HTR4: variants seen among roughly 807,000 people sequenced by gnomAD.
HTR4 encodes 5-hydroxytryptamine receptor 4.
Under a neutral mutation model 36.8 loss-of-function variants are expected in HTR4, and 16 were observed. The observed-to-expected ratio is 0.43, with a 90% CI of 0.29 to 0.66. The LOEUF (loss-of-function observed/expected upper bound fraction) is 0.66. Among genes scored for constraint, HTR4 ranks in the 30% least tolerant of loss-of-function variants. The pLI is 0.13. For synonymous variants in HTR4, 189 were observed against 185.1 expected, an observed-to-expected ratio of 1.02 and a Z score of -0.17; for missense variants, 438 against 490.9, an observed-to-expected ratio of 0.89 and a Z score of 1.02.
rs141358570 is a variant in HTR4, at chr5:148,499,321, G to T, written c.1076+10135C>A. ...TCATAATCATTATTATTAATAAAAT[G>T]GAAGGAGGTCTCTAGTGACCTGTCC... On this transcript the variant is annotated intron_variant, in intron 6 of 6. Coordinates refer to ENST00000377888, the MANE Select transcript of HTR4 (RefSeq NM_000870.7). Among the ~76,000 whole-genome samples, 76 of 152,192 alleles carry T rather than the reference G, an allele frequency of 5.0e-4. 1 individual carries two copies. In the East Asian group the frequency reaches 0.013, roughly 27 times the overall value.
intron 4 of HTR4, among the ~76,000 whole-genome samples, chr5:148,529,510 T>C (rs933080570): frequency 6.6e-6 from 1 of 152,246 alleles, no homozygotes; most frequent in Non-Finnish European, 1.5e-5. Flanking sequence ...GGCTTTCGCC[T>C]TCTGCCATGA....
intron 4 of HTR4, among the ~76,000 whole-genome samples, chr5:148,532,772 A>G (rs1412375115): frequency 1.3e-5 from 2 of 152,248 alleles, no homozygotes; most frequent in South Asian, 2.1e-4. Context: ...ATAAGCCTAA[A>G]AAGGCTGACT....
Position 148,550,199 on chromosome 5 carries a change from G to C in HTR4, c.90C>G (p.Ile30Met). Residue 30 changes from isoleucine (I) to methionine (M), a missense_variant, in exon 3 of 7, where the codon ATC becomes ATG. Ile to Met is a conservative substitution (Grantham distance 10). Transcript: ENST00000377888. ...GCAGGTTCCCCAAGATGGCCATCAG[G>C]ATAACCGTCGAGAGAAACGTGAGCA... ...VVLLTFLSTVILMAILGNLLV... is the reference protein window; with the variant it reads ...VVLLTFLSTVMLMAILGNLLV... 6.2e-7 allele frequency: 1 copy of C among 1,614,058 alleles called. No individual in the cohort carries two copies. The highest frequency in any genetic ancestry group is 8.5e-7 in the Non-Finnish European group (1 of 1,179,994).
At chr5:148,471,721 A>T (rs57922038), downstream of HTR4, among the ~76,000 whole-genome samples, 4,847 of 152,304 alleles carry the variant, frequency 0.032, 257 homozygotes, top group African/African-American at 0.11. Context: ...ACATTAAAGC[A>T]GGGATTTTAA....
chr5:148,641,557 C>T (rs561633336), intron 1 of HTR4, among the ~76,000 whole-genome samples: 3 of 152,300 alleles, frequency 2.0e-5, no homozygotes, highest in African/African-American at 4.8e-5. Flanking sequence ...CAAGCTCAAA[C>T]CACTGGAATT....
intron 5 of HTR4, among the ~76,000 whole-genome samples, chr5:148,470,986 C>T (rs1181824982): frequency 3.3e-5 from 5 of 151,944 alleles, no homozygotes; most frequent in Admixed American, 2.0e-4. Flanking sequence ...ACTGTGGGCC[C>T]AGCCTCTAAA....
At chr5:148,632,981 A>C (rs1753377892) in intron 2 of HTR4, among the ~76,000 whole-genome samples, 3 of 152,122 alleles carry the variant, frequency 2.0e-5, no homozygotes, top group African/African-American at 7.2e-5. Context: ...CATCAAAGCC[A>C]GTGTTTCCAT....
intron 2 of HTR4, among the ~76,000 whole-genome samples, chr5:148,574,387 C>T (rs1383628071): frequency 1.4e-5 from 2 of 145,122 alleles, no homozygotes; most frequent in Admixed American, 6.9e-5. Context: ...AAGGCTCTCG[C>T]GCGCTCTCTC....
intron 2 of HTR4, among the ~76,000 whole-genome samples, chr5:148,615,170 C>G (rs1752611433): frequency 6.6e-6 from 1 of 151,638 alleles, no homozygotes; most frequent in Non-Finnish European, 1.5e-5. Flanking sequence ...CCCAGCCATC[C>G]CATTACTGGG....
intron 5 of HTR4, among the ~76,000 whole-genome samples, chr5:148,468,493 G>A (rs776187051): frequency 2.0e-5 from 3 of 152,140 alleles, no homozygotes; most frequent in Non-Finnish European, 4.4e-5. Flanking sequence ...CCACCATAGG[G>A]ATCCATAGGG....
At chr5:148,500,188 A>T (rs143818243) in intron 6 of HTR4, among the ~76,000 whole-genome samples, 17 of 152,284 alleles carry the variant, frequency 1.1e-4, no homozygotes, top group African/African-American at 4.1e-4. Flanking sequence ...GTTGTCAAGG[A>T]AGCAAATTGG....
At chr5:148,490,567 A>G in intron 6 of HTR4, 3 of 1,118,408 alleles carry the variant, frequency 2.7e-6, no homozygotes, top group Non-Finnish European at 3.3e-6. Context: ...TCACAAAAAA[A>G]GGGGCTGAGA....
chr5:148,472,357 C>T (rs1755589704), downstream of HTR4, among the ~76,000 whole-genome samples: 1 of 152,198 alleles, frequency 6.6e-6, no homozygotes, highest in African/African-American at 2.4e-5. Context: ...TTTTTCCTTA[C>T]ATTCCTGAGA....
At chr5:148,533,028 C>T (rs568203419) in intron 4 of HTR4, among the ~76,000 whole-genome samples, 4 of 152,244 alleles carry the variant, frequency 2.6e-5, no homozygotes, top group East Asian at 1.9e-4. Context: ...AAACGTCCAT[C>T]GTAATCAATA....
At chr5:148,646,200 G>A (rs1753873044) in intron 1 of HTR4, 1 of 152,244 alleles carries the variant, frequency 6.6e-6, no homozygotes, top group Non-Finnish European at 1.5e-5. Flanking sequence ...ACACTGGAAG[G>A]ATGGAGTGCA....
intron 6 of HTR4, among the ~76,000 whole-genome samples, chr5:148,501,248 G>A (rs561897015): frequency 6.6e-6 from 1 of 152,238 alleles, no homozygotes; most frequent in African/African-American, 2.4e-5. Context: ...AAAACAAGAT[G>A]TAGAAAAGTA....
rs1755415434 is a variant in HTR4, at chr5:148,465,940, A to C, written c.1077-14668T>G. On this transcript the variant is annotated intron_variant, in intron 5 of 5. Transcript: ENST00000521530. Reference sequence around the variant, plus strand: ...GGGAACAGCCACTTTTAGTTGAAACAGAAAACAGCCACAGATGAGGGAGAG... The same window carrying C: ...GGGAACAGCCACTTTTAGTTGAAACCGAAAACAGCCACAGATGAGGGAGAG... The C allele has an allele frequency of 1.9e-6, 3 of 1,612,468 alleles. No homozygotes were observed. In the African/African-American group the frequency reaches 4.0e-5, roughly 22 times the overall value.
intron 1 of HTR4, chr5:148,645,570 T>G (rs992532225): frequency 6.6e-6 from 1 of 152,174 alleles, no homozygotes; most frequent in Non-Finnish European, 1.5e-5. Flanking sequence ...ACTACCAATA[T>G]GACCTTGGGC....
rs71001490 is a variant in HTR4 at position 148,463,165 on chromosome 5, C to CTTTTTT, written c.1077-11899_1077-11894dup. Among the ~76,000 whole-genome samples the CTTTTTT allele has an allele frequency of 2.8e-3, 178 of 64,146 alleles. 1 individual carries two copies. The highest frequency in any genetic ancestry group is 3.0e-3 in the Non-Finnish European group (109 of 36,456). 42.1% of individuals were successfully genotyped at this position (64,146 alleles called of 152,430 possible). On this transcript the variant is annotated intron_variant, in intron 5 of 5. Transcript: ENST00000521530. Reference sequence around the variant, plus strand: ...CTTTGCTTTTCATTTCTTTTTTTTTCTTTTTTTTTTTTTTTTTTTTTTTTT... The same window carrying CTTTTTT: ...CTTTGCTTTTCATTTCTTTTTTTTTCTTTTTTTTTTTTTTTTTTTTTTTTTTTTTTT...
Sources: gnomAD v4.1 joint callset for allele counts (sites outside exome capture counted in the v4.1 genomes callset) on GRCh38, gnomAD v4.1.1 for gene constraint, MANE v1.5 for transcripts, NCBI Gene and HGNC (gene_info 2026-07-23, HGNC 2026-07-21) for gene names.